The following DPH6 variants were observed in gnomAD, a reference collection of about 807,000 sequenced individuals.
The protein encoded by DPH6 is diphthine--ammonia ligase.
DPH6 carries 33 observed loss-of-function variants against 38.2 expected under a neutral mutation model. That is an observed-to-expected ratio of 0.86 (90% confidence interval 0.65 to 1.15). The LOEUF is 1.15. DPH6 is among the 50% of genes most tolerant of loss of function. The pLI is 0.00. For synonymous variants in DPH6, 108 were observed against 103.0 expected (o/e 1.05, Z -0.30); for missense variants, 325 against 320.0 (o/e 1.02, Z -0.12).
downstream of DPH6, among the ~76,000 whole-genome samples, chr15:35,215,409 G>A (rs1289122906): frequency 3.3e-5 from 5 of 152,028 alleles, no homozygotes; most frequent in East Asian, 9.6e-4. Context: ...TTTTTTTAGA[G>A]ACAGGGTGTC....
intron 3 of DPH6, among the ~76,000 whole-genome samples, chr15:35,455,587 G>T (rs895633091): frequency 2.0e-5 from 3 of 152,130 alleles, no homozygotes; most frequent in Admixed American, 2.0e-4. Flanking sequence ...TGGACAACAT[G>T]GGGATTTGAA....
At chr15:35,401,684 C>T (rs1401874094) in intron 6 of DPH6, 5 of 743,268 alleles carry the variant, frequency 6.7e-6, no homozygotes, top group African/African-American at 3.4e-5. Flanking sequence ...GTGTTGGAGG[C>T]CAATACTTTG....
chr15:35,277,095 T>G (rs967060771), intron 3 of DPH6, among the ~76,000 whole-genome samples: 2 of 152,242 alleles, frequency 1.3e-5, no homozygotes, highest in African/African-American at 4.8e-5. Context: ...GTGTCATCTA[T>G]GATTTCTTTC....
intron 6 of DPH6, among the ~76,000 whole-genome samples, chr15:35,402,521 G>A (rs1214297648): frequency 6.6e-6 from 1 of 152,064 alleles, no homozygotes; most frequent in Non-Finnish European, 1.5e-5. Context: ...CAAGGAAGCT[G>A]TTCAAAGAAT....
the DPH6 span, among the ~76,000 whole-genome samples, chr15:35,185,723 TC>T: frequency 8.6e-6 from 1 of 116,814 alleles, no homozygotes; most frequent in Non-Finnish European, 1.7e-5. Flanking sequence ...TCCAATCCAC[TC>T]TTTTTTTTTT....
In DPH6 at chr15:35,334,852, G is replaced by A. The variant is rs142103065; in HGVS notation, n.208-3775C>T. Among the ~76,000 whole-genome samples the A allele has an allele frequency of 2.0e-3, 305 of 152,132 alleles. 1 individual carries two copies. The highest frequency in any genetic ancestry group is 6.8e-3 in the African/African-American group (283 of 41,490). ...TTCCATGTCTTTGCTATTGTGAATTGTGCTGCAATGAACCTATGTGTGCAT... is the reference window on the plus strand; with the variant it reads ...TTCCATGTCTTTGCTATTGTGAATTATGCTGCAATGAACCTATGTGTGCAT... On this transcript the variant is annotated intron_variant and non_coding_transcript_variant, in intron 3 of 3. Coordinates refer to the DPH6 transcript ENST00000558973.
At chr15:35,519,045 C>A (rs1380170815) in intron 3 of DPH6, 1 of 151,762 alleles carries the variant, frequency 6.6e-6, no homozygotes, top group African/African-American at 2.4e-5. Flanking sequence ...TAAACTTAAT[C>A]CATAACATTT....
intron 3 of DPH6, among the ~76,000 whole-genome samples, chr15:35,263,719 C>CTT (rs771822892): frequency 6.8e-6 from 1 of 147,454 alleles, no homozygotes; most frequent in Non-Finnish European, 1.5e-5. Context: ...TTTATAATTT[C>CTT]TTTTTTTTTT....
intron 3 of DPH6, among the ~76,000 whole-genome samples, chr15:35,364,637 TTTCCA>T (rs2052641770): frequency 2.0e-5 from 3 of 152,228 alleles, no homozygotes; most frequent in African/African-American, 7.2e-5. Context: ...GTCTTCAATA[TTTCCA>T]TTCTAATTGT....
intron 6 of DPH6, among the ~76,000 whole-genome samples, chr15:35,410,215 CAT>C (rs1488030671): frequency 6.6e-6 from 1 of 151,724 alleles, no homozygotes; most frequent in African/African-American, 2.4e-5. Context: ...AAATACTCCA[CAT>C]AGTGTAATAA....
chr15:35,273,518 T>C (rs1436795438), intron 3 of DPH6, among the ~76,000 whole-genome samples: 1 of 152,188 alleles, frequency 6.6e-6, no homozygotes, highest in Non-Finnish European at 1.5e-5. Flanking sequence ...GCCCCCAAAC[T>C]CAGTGCAGTT....
At chr15:35,154,693 G>A in the DPH6 span, among the ~76,000 whole-genome samples, 4 of 152,168 alleles carry the variant, frequency 2.6e-5, no homozygotes, top group East Asian at 7.7e-4. Context: ...ATGACTGAAA[G>A]GAACACTAAT....
intron 3 of DPH6, among the ~76,000 whole-genome samples, chr15:35,325,597 G>A (rs1163245148): frequency 6.6e-6 from 1 of 152,094 alleles, no homozygotes; most frequent in Non-Finnish European, 1.5e-5. Flanking sequence ...GGAGGATAGT[G>A]TAGATCTAAA....
At chr15:35,232,451 G>A (rs936279610) in intron 3 of DPH6, among the ~76,000 whole-genome samples, 3 of 152,004 alleles carry the variant, frequency 2.0e-5, no homozygotes, top group African/African-American at 7.2e-5. Context: ...TGTGATGGTG[G>A]GTGCCTGTAA....
At chr15:35,177,661 C>T in the DPH6 span, among the ~76,000 whole-genome samples, 3 of 150,352 alleles carry the variant, frequency 2.0e-5, no homozygotes, top group African/African-American at 4.9e-5. Flanking sequence ...ACTTTGTGGC[C>T]GGGTGTGGTG....
In DPH6 at chr15:35,484,296, G is replaced by A. The variant is rs115379812; in HGVS notation, c.313-29476C>T. On this transcript the variant is annotated intron_variant, in intron 3 of 8. Coordinates refer to ENST00000256538, the MANE Select transcript of DPH6 (RefSeq NM_080650.4). ...GCTGCACAAGAAACTACGCTAAAAT[G>A]TGTTAGCTTAAAACAAATACTTATT... is the stretch of plus-strand genomic sequence containing the variant. Among the ~76,000 whole-genome samples the A allele has an allele frequency of 7.8e-3, 1,193 of 152,320 alleles. 29 individuals carry two copies. Among genetic ancestry groups the A allele is most frequent in the African/African-American group, 0.027 (1,137 of 41,566 alleles).
intron 3 of DPH6, among the ~76,000 whole-genome samples, chr15:35,285,079 GGA>G (rs2140440092): frequency 6.6e-6 from 1 of 152,030 alleles, no homozygotes; most frequent in East Asian, 1.9e-4. Context: ...CAAACTGTTA[GGA>G]TTACAGGTGT....
chr15:35,470,628 C>T (rs564256301), intron 3 of DPH6, among the ~76,000 whole-genome samples: 113 of 152,262 alleles, frequency 7.4e-4, no homozygotes, highest in Non-Finnish European at 1.1e-3. Context: ...GTTCACAAAA[C>T]GCGTTGGCAG....
chr15:35,373,653 T>G (rs113568333), intron 7 of DPH6, 45 bp from the exon 8 acceptor site: 32 of 1,529,292 alleles, frequency 2.1e-5, no homozygotes, highest in Non-Finnish European at 2.9e-5. Context: ...CTACAAAAAT[T>G]GTGACAAATC....
Sources: allele counts gnomAD v4.1 joint callset (sites outside exome capture counted in the v4.1 genomes callset), GRCh38; gene constraint gnomAD v4.1.1; transcripts MANE v1.5; gene names NCBI Gene and HGNC (gene_info 2026-07-23, HGNC 2026-07-21).